Variants in GRM7 observed in about 807,000 individuals in gnomAD.
GRM7 encodes the protein metabotropic glutamate receptor 7.
GRM7 carries 35 observed loss-of-function variants against 84.5 expected under a neutral mutation model. The observed-to-expected ratio is 0.41, with a 90% CI of 0.32 to 0.55. GRM7 has a LOEUF of 0.55. Among genes scored for constraint, GRM7 ranks in the 20% least tolerant of loss-of-function variants. The pLI is 0.19. For synonymous variants in GRM7, 487 were observed against 455.1 expected, an observed-to-expected ratio of 1.07 and a Z score of -0.89; for missense variants, 1,003 against 1,194.6, an observed-to-expected ratio of 0.84 and a Z score of 2.36.
intron 4 of GRM7, among the ~76,000 whole-genome samples, chr3:7,354,101 T>G (rs550146479): frequency 3.3e-5 from 5 of 152,248 alleles, no homozygotes; most frequent in Non-Finnish European, 1.5e-5. Context: ...CAGTTTCCCT[T>G]GAGAAAAGTC....
chr3:6,891,461 G>C (rs904508363), intron 1 of GRM7, among the ~76,000 whole-genome samples: 6 of 152,156 alleles, frequency 3.9e-5, no homozygotes, highest in African/African-American at 1.4e-4. Context: ...TTGCTTGTCT[G>C]TAAAGTATTT....
chr3:7,634,697 G>A (rs1252383472), intron 8 of GRM7, among the ~76,000 whole-genome samples: 1 of 151,972 alleles, frequency 6.6e-6, no homozygotes, highest in African/African-American at 2.4e-5. Context: ...GGGAGGCTGA[G>A]GCAGGAGAAT....
rs530800262 is a variant in GRM7 at position 7,409,791 on chromosome 3, A to G, written c.1034-5232A>G. Among the ~76,000 whole-genome samples, 499 of 152,038 alleles carry G rather than the reference A, an allele frequency of 3.3e-3. 3 individuals carry two copies. The highest frequency in any genetic ancestry group is 0.011 in the African/African-American group (445 of 41,490). The stretch of plus-strand genomic sequence containing the variant: ...AATTTTTTGTATTTTTAGTAGAGGT[A>G]GGGTTTCACCATGTTGGCCAGGATG... On this transcript the variant is annotated intron_variant, in intron 4 of 9. Coordinates refer to ENST00000357716, the MANE Select transcript of GRM7 (RefSeq NM_000844.4).
intron 4 of GRM7, among the ~76,000 whole-genome samples, chr3:7,413,494 TA>T (rs1266398173): frequency 6.6e-6 from 1 of 152,234 alleles, no homozygotes; most frequent in East Asian, 1.9e-4. Context: ...AAGAAGTAAC[TA>T]AATGGAATAA....
chr3:7,197,580 C>G (rs1194187757), intron 2 of GRM7, among the ~76,000 whole-genome samples: 1 of 152,064 alleles, frequency 6.6e-6, no homozygotes, highest in African/African-American at 2.4e-5. Context: ...GACCTCTGTT[C>G]AATTGTTTTT....
intron 9 of GRM7, among the ~76,000 whole-genome samples, chr3:7,689,500 G>A (rs1218656690): frequency 1.3e-5 from 2 of 152,052 alleles, no homozygotes; most frequent in Non-Finnish European, 2.9e-5. Flanking sequence ...AAATCTTTTT[G>A]GCATATTTCT....
At chr3:7,290,452 A>C (rs1439673439) in intron 2 of GRM7, among the ~76,000 whole-genome samples, 2 of 152,214 alleles carry the variant, frequency 1.3e-5, no homozygotes, top group African/African-American at 4.8e-5. Flanking sequence ...ATAGTGCCTG[A>C]GATAAAATGA....
intron 1 of GRM7, among the ~76,000 whole-genome samples, chr3:7,044,515 A>G (rs1046068198): frequency 2.6e-5 from 4 of 152,190 alleles, no homozygotes; most frequent in Admixed American, 2.0e-4. Flanking sequence ...AGTTTTCAAC[A>G]CTTCCCAATC....
chr3:7,739,250 A>G (rs1051071807), intron 9 of GRM7, among the ~76,000 whole-genome samples: 10 of 152,176 alleles, frequency 6.6e-5, no homozygotes, highest in African/African-American at 2.4e-4. Flanking sequence ...CCTGTAACGT[A>G]CTACTTGTAT....
At chr3:7,224,812 G>A (rs1270280908) in intron 2 of GRM7, among the ~76,000 whole-genome samples, 1 of 151,782 alleles carries the variant, frequency 6.6e-6, no homozygotes, top group East Asian at 1.9e-4. Context: ...TAGTGGGAGG[G>A]GTGCAAGGTC....
intron 1 of GRM7, among the ~76,000 whole-genome samples, chr3:6,886,110 G>GTGT (rs1559306643): frequency 1.0e-5 from 1 of 100,000 alleles, no homozygotes; most frequent in Admixed American, 9.7e-5. Flanking sequence ...TGTGTGTGTG[G>GTGT]GTGTGTGTGT....
intron 4 of GRM7, among the ~76,000 whole-genome samples, chr3:7,359,255 T>TG (rs754428287): frequency 2.2e-5 from 3 of 136,580 alleles, no homozygotes; most frequent in Non-Finnish European, 3.1e-5. Flanking sequence ...TGTGTGTGTG[T>TG]TGTGGTTTTA....
chr3:6,943,793 A>T (rs998949935), intron 1 of GRM7, among the ~76,000 whole-genome samples: 1 of 152,102 alleles, frequency 6.6e-6, no homozygotes, highest in Non-Finnish European at 1.5e-5. Flanking sequence ...TCTTCTAAAC[A>T]ATTCTGAGCT....
At chr3:7,080,342 C>A (rs540680961) in intron 1 of GRM7, among the ~76,000 whole-genome samples, 10 of 152,128 alleles carry the variant, frequency 6.6e-5, no homozygotes, top group Admixed American at 5.2e-4. Context: ...GGTCCAGTCT[C>A]CTCGCTGTGT....
At chr3:7,305,330 C>CTTTTTTT (rs796779715) in intron 3 of GRM7, among the ~76,000 whole-genome samples, 5 of 86,928 alleles carry the variant, frequency 5.8e-5, no homozygotes, top group African/African-American at 1.7e-4. Context: ...TATGCTGCTG[C>CTTTTTTT]TTTTTTTTTT....
At chr3:7,014,045 G>T (rs1031114717) in intron 1 of GRM7, among the ~76,000 whole-genome samples, 8 of 152,036 alleles carry the variant, frequency 5.3e-5, no homozygotes, top group Non-Finnish European at 1.0e-4. Context: ...ATTTTTTGGT[G>T]GGGGCAAGAA....
rs1027647081 is a variant in GRM7 at position 7,567,194 on chromosome 3, A to G, written c.1516-11228A>G. ...GTTGTTTAACCAATAACATTATGAAACTTAAGCCTAGAGACCCTCCTGACT... is the reference window on the plus strand; with the variant it reads ...GTTGTTTAACCAATAACATTATGAAGCTTAAGCCTAGAGACCCTCCTGACT... On this transcript the variant is annotated intron_variant, in intron 7 of 9. Transcript: ENST00000357716. Among the ~76,000 whole-genome samples, 4 of 152,288 alleles carry G rather than the reference A, an allele frequency of 2.6e-5. No homozygotes were observed. In the South Asian group the frequency reaches 6.2e-4, roughly 24 times the overall value.
intron 1 of GRM7, among the ~76,000 whole-genome samples, chr3:7,024,472 G>A (rs969166113): frequency 1.3e-5 from 2 of 152,212 alleles, no homozygotes; most frequent in Admixed American, 6.5e-5. Flanking sequence ...GATGAAAAAT[G>A]GTAAACATAG....
At chr3:7,264,576 T>C (rs1698562827) in intron 2 of GRM7, among the ~76,000 whole-genome samples, 1 of 152,070 alleles carries the variant, frequency 6.6e-6, no homozygotes, top group South Asian at 2.1e-4. Context: ...TTCTTCCCCT[T>C]CAGCCCAGCA....
Sources: gnomAD v4.1 joint callset for allele counts (sites outside exome capture counted in the v4.1 genomes callset) on GRCh38, gnomAD v4.1.1 for gene constraint, MANE v1.5 for transcripts, NCBI Gene and HGNC (gene_info 2026-07-23, HGNC 2026-07-21) for gene names.